The following PTPRU variants were observed in gnomAD, a reference collection of about 807,000 sequenced individuals.
PTPRU encodes receptor-type tyrosine-protein phosphatase U.
In PTPRU, 69 loss-of-function variants were observed where a neutral mutation model predicts 166.3. The observed-to-expected ratio is 0.41, with a 90% CI of 0.34 to 0.51. The LOEUF (loss-of-function observed/expected upper bound fraction) is 0.51, where lower values mean the gene tolerates loss of function less well. Ranked by LOEUF, PTPRU falls within the 20% of genes least tolerant of loss-of-function variation. The probability of loss-of-function intolerance (pLI) is 0.09; values close to 1 mark genes in which losing one functional copy is unlikely to be tolerated. For missense variants in PTPRU, 1,657 were observed against 2,013.7 expected (o/e 0.82, Z 3.39); for synonymous variants, 793 against 814.0 (o/e 0.97, Z 0.44).
In PTPRU at chr1:29,275,691, T is replaced by G; in HGVS notation, c.1388T>G (p.Leu463Arg). 6.2e-7 allele frequency: 1 copy of G among 1,614,182 alleles called. No individual in the cohort carries two copies. Among genetic ancestry groups the G allele is most frequent in the Non-Finnish European group, 8.5e-7 (1 of 1,180,038 alleles). The change falls in exon 8 of 30, where the codon CTT (leucine) becomes CGT (arginine). Residue 463 changes from leucine to arginine, a missense_variant. Leu to Arg is a moderately radical substitution (Grantham distance 102). Around this residue, in one of 3 missense-constraint regions of PTPRU, gnomAD observed 1,190 missense variants for 1,477.4 expected, o/e 0.81. Transcript: ENST00000373779. ...CCCTATCGGAACGTTCACGTGAGGC[T>G]TGTCCTCACTAACCCTGAGGGGCGC... ...LLPYRNVHVRLVLTNPEGRKE... is the reference protein window; with the variant it reads ...LLPYRNVHVRRVLTNPEGRKE...
chr1:29,321,587 C>T (rs566220150), intron 26 of PTPRU, among the ~76,000 whole-genome samples: 1 of 152,296 alleles, frequency 6.6e-6, no homozygotes, highest in African/African-American at 2.4e-5. Context: ...TGGGGGCCTC[C>T]GAGGTAGAGT....
At chr1:29,259,765 T>C (rs939765472) in intron 5 of PTPRU, 105 bp from the exon 6 acceptor site, 5 of 1,344,572 alleles carry the variant, frequency 3.7e-6, no homozygotes, top group Non-Finnish European at 4.9e-6. Flanking sequence ...CAGGAACCTA[T>C]GTCCGCGCGG....
intron 7 of PTPRU, 101 bp downstream of exon 7, chr1:29,261,004 A>C (rs964679470): frequency 7.0e-6 from 9 of 1,284,678 alleles, no homozygotes; most frequent in Admixed American, 3.6e-5. Context: ...AAACCTTTCT[A>C]AAACATTGTG....
rs2151957055 is a variant in PTPRU, at chr1:29,289,784, G to A, written c.2319-2085G>A. 3.8e-6 allele frequency: 6 copies of A among 1,568,472 alleles called. No homozygotes were observed. In the African/African-American group the frequency reaches 5.4e-5, roughly 14 times the overall value. On this transcript the variant is annotated intron_variant, in intron 14 of 29. Transcript: ENST00000373779. Reference sequence around the variant, plus strand: ...GAGATCCCCTGTCCCCGCCTTCTCTGGTTGGGCTTAGTCTCGCTGCACCCA... The same window carrying A: ...GAGATCCCCTGTCCCCGCCTTCTCTAGTTGGGCTTAGTCTCGCTGCACCCA...
rs532193157 is a variant in PTPRU at position 29,303,910 on chromosome 1, G to A, written c.2532G>A (p.Pro844=). 458 of 1,613,758 alleles carry A rather than the reference G, an allele frequency of 2.8e-4. 9 individuals are homozygous for A. The South Asian group carries it at 4.7e-3, about 17-fold the overall frequency. ...TEASSLLGGS[P]RRPCGRKGSP... The stretch of plus-strand genomic sequence containing the variant: ...CCAGCAGCCTCCTGGGGGGCTCCCC[G>A]AGGCGTCCCTGTGGCCGGAAGGGCT... The change falls in exon 16 of 30, where the codon CCG becomes CCA. Residue 844 remains proline (P), a synonymous_variant. Coordinates refer to ENST00000373779, the MANE Select transcript of PTPRU (RefSeq NM_133178.4).
At chr1:29,258,888 A>T (rs1226255392) in intron 3 of PTPRU, 112 bp downstream of exon 3, 1 of 1,432,892 alleles carries the variant, frequency 7.0e-7, no homozygotes, top group Non-Finnish European at 9.3e-7. Flanking sequence ...TGCATTCAGT[A>T]TCAGAGGCAA....
intron 15 of PTPRU, among the ~76,000 whole-genome samples, chr1:29,298,481 G>A (rs1686994273): frequency 6.6e-6 from 1 of 152,144 alleles, no homozygotes; most frequent in Admixed American, 6.5e-5. Flanking sequence ...TTAAATGAAG[G>A]ACTTATCACT....
rs759873400 is a variant in PTPRU, at chr1:29,312,656, C to T, written c.3177C>T (p.Arg1059=). Residue 1059 remains arginine (R), a synonymous_variant, in exon 22 of 30, where the codon CGC becomes CGT. Coordinates refer to ENST00000373779, the MANE Select transcript of PTPRU (RefSeq NM_133178.4). Reference sequence around the variant, plus strand: ...CGGGGCTGCTGGCTTTCATCCGGCGCGTGAAGGCCTCCACCCCACCTGATG... The same window carrying T: ...CGGGGCTGCTGGCTTTCATCCGGCGTGTGAAGGCCTCCACCCCACCTGATG... ...HATGLLAFIR[R]VKASTPPDAG... 1.9e-5 allele frequency: 31 copies of T among 1,611,514 alleles called. No individual in the cohort carries two copies. The highest frequency in any genetic ancestry group is 1.3e-4 in the East Asian group (6 of 44,848).
At chr1:29,286,968 G>A (rs976431152) in intron 14 of PTPRU, among the ~76,000 whole-genome samples, 2 of 152,144 alleles carry the variant, frequency 1.3e-5, no homozygotes, top group Non-Finnish European at 2.9e-5. Context: ...AGGGCCTTCC[G>A]TGCTCCTCAG....
chr1:29,306,523 A>G, intron 18 of PTPRU, among the ~76,000 whole-genome samples: 1 of 152,242 alleles, frequency 6.6e-6, no homozygotes, highest in Admixed American at 6.5e-5. Context: ...GCAGGCCAGG[A>G]GAGAGATCAC....
intron 29 of PTPRU, 106 bp from the exon 30 acceptor site, chr1:29,325,493 C>T: frequency 6.6e-7 from 1 of 1,510,382 alleles, no homozygotes; most frequent in East Asian, 2.3e-5. Flanking sequence ...CGAGGGCGGG[C>T]CTGGGCTCGG....
chr1:29,303,345 G>A (rs1687226440), intron 15 of PTPRU, among the ~76,000 whole-genome samples: 1 of 152,242 alleles, frequency 6.6e-6, no homozygotes, highest in Non-Finnish European at 1.5e-5. Context: ...GGCTGACGGT[G>A]GAACTGCCTG....
rs201546514 is a variant in PTPRU at position 29,238,173 on chromosome 1, CGT to C, written c.73+1466_73+1467del. 1.2e-3 allele frequency among the ~76,000 whole-genome samples: 185 copies of C among 151,946 alleles called. No homozygotes were observed. Among genetic ancestry groups the C allele is most frequent in the Non-Finnish European group, 2.3e-3 (153 of 67,902 alleles). ...GTCTGGTGTCTTTGGTGTGCGTGCGCGTGTGTGTGTGCGCGCAGCTGAATGTA... is the reference window on the plus strand; with the variant it reads ...GTCTGGTGTCTTTGGTGTGCGTGCGCGTGTGTGTGCGCGCAGCTGAATGTA... On this transcript the variant is annotated intron_variant, in intron 1 of 29. Transcript: ENST00000373779. This position sits in a 1 kb window ranked among gnomAD's most constrained non-coding sequence, Gnocchi z 6.1.
At chr1:29,290,570 C>T (rs750583688) in intron 14 of PTPRU, among the ~76,000 whole-genome samples, 4 of 152,222 alleles carry the variant, frequency 2.6e-5, no homozygotes, top group Non-Finnish European at 5.9e-5. Flanking sequence ...GCCAGGCCAG[C>T]CCTGAGGACA....
At chr1:29,288,948 A>G (rs1686490521) in intron 14 of PTPRU, among the ~76,000 whole-genome samples, 1 of 152,150 alleles carries the variant, frequency 6.6e-6, no homozygotes, top group East Asian at 1.9e-4. Context: ...AGGTGCTCCC[A>G]GAGGGGATGA....
chr1:29,289,820 G>A lies in PTPRU; in HGVS notation c.2319-2049G>A, dbSNP rs1016193757. 3.8e-6 allele frequency: 5 copies of A among 1,304,544 alleles called. No individual in the cohort carries two copies. The African/African-American group carries it at 7.3e-5, about 19-fold the overall frequency. 80.8% of individuals were successfully genotyped at this position (1,304,544 alleles called of 1,614,324 possible). ...GTCTCGCTGCACCCAGCCTGGCCTG[G>A]TGTCCACCCGGTTCTCTCTGGTCAC... On this transcript the variant is annotated intron_variant, in intron 14 of 29. Transcript: ENST00000373779.
intron 7 of PTPRU, among the ~76,000 whole-genome samples, chr1:29,274,865 A>G (rs1313634710): frequency 1.3e-5 from 2 of 152,116 alleles, no homozygotes; most frequent in Admixed American, 1.3e-4. Context: ...AGCCTGGCCA[A>G]CATGTGAAAC....
intron 16 of PTPRU, among the ~76,000 whole-genome samples, chr1:29,304,303 G>T (rs764835564): frequency 5.0e-4 from 76 of 152,244 alleles, no homozygotes; most frequent in Non-Finnish European, 7.2e-4. Flanking sequence ...CTGTGATCGG[G>T]ATCCTTATTC....
intron 7 of PTPRU, 47 bp from the exon 8 acceptor site, chr1:29,275,400 TC>T: frequency 6.6e-7 from 1 of 1,512,060 alleles, no homozygotes; most frequent in Non-Finnish European, 9.1e-7. Flanking sequence ...CTTCCTCTTC[TC>T]TTCCCATTTC....
Sources: gnomAD v4.1 joint callset for allele counts (sites outside exome capture counted in the v4.1 genomes callset) on GRCh38, gnomAD v4.1.1 for gene constraint, gnomAD v4.1.1 regional missense constraint, Gnocchi (gnomAD v3.1) non-coding constraint, MANE v1.5 for transcripts, NCBI Gene and HGNC (gene_info 2026-07-23, HGNC 2026-07-21) for gene names.